BPNT2: variants seen among roughly 807,000 people sequenced by gnomAD.
BPNT2 encodes the protein Golgi-resident adenosine 3',5'-bisphosphate 3'-phosphatase.
Under a neutral mutation model 29.3 loss-of-function variants are expected in BPNT2, and 11 were observed. The ratio of observed to expected loss-of-function variants is 0.38; its 90% CI spans 0.24 to 0.62. The LOEUF (loss-of-function observed/expected upper bound fraction) is 0.62, where lower values mean the gene tolerates loss of function less well. Ranked by LOEUF, BPNT2 falls within the 20% of genes least tolerant of loss-of-function variation. The pLI is 0.62. For missense variants in BPNT2, 459 were observed against 473.4 expected, an observed-to-expected ratio of 0.97 and a Z score of 0.28; for synonymous variants, 195 against 187.7, an observed-to-expected ratio of 1.04 and a Z score of -0.32.
chr8:56,991,218 A>C (rs183257904), intron 1 of BPNT2, among the ~76,000 whole-genome samples: 22 of 152,362 alleles, frequency 1.4e-4, no homozygotes, highest in Admixed American at 4.6e-4. Context: ...AAATGATCAC[A>C]AACCTCTTCT....
At position 56,993,565 on chromosome 8, in the gene BPNT2, G is replaced by A. The variant is rs1806456546; in HGVS notation, c.21C>T (p.Arg7=). 6.8e-7 allele frequency: 1 copy of A among 1,474,308 alleles called. No homozygotes were observed. Among genetic ancestry groups the A allele is most frequent in the Non-Finnish European group, 9.0e-7 (1 of 1,111,480 alleles). The allele number at this position is 1,474,308 out of a possible 1,614,324, so 91.3% of individuals were successfully genotyped here. MAPMGI[R]LSPLGVAVFC... Reference sequence around the variant, plus strand: ...ACACTGCCACCCCCAGTGGGGAAAGGCGGATGCCCATGGGGGCCATGGCGT... The same window carrying A: ...ACACTGCCACCCCCAGTGGGGAAAGACGGATGCCCATGGGGGCCATGGCGT... Residue 7 remains arginine, a synonymous_variant, in exon 1 of 5, where the codon CGC becomes CGT. Coordinates refer to ENST00000262644, the MANE Select transcript of BPNT2 (RefSeq NM_017813.5).
chr8:56,973,970 C>T (rs534461578), intron 3 of BPNT2, among the ~76,000 whole-genome samples: 4 of 152,190 alleles, frequency 2.6e-5, no homozygotes, highest in East Asian at 3.9e-4. Context: ...CTCCTCCACC[C>T]GAGACAACAA....
At chr8:56,987,941 A>T (rs1806352120) in intron 1 of BPNT2, among the ~76,000 whole-genome samples, 2 of 151,596 alleles carry the variant, frequency 1.3e-5, no homozygotes, top group Non-Finnish European at 2.9e-5. Context: ...TGTTAGCCAG[A>T]ATGGTCTCAA....
At position 56,993,862 on chromosome 8, in the gene BPNT2, C is replaced by T. The variant is rs1172849137; in HGVS notation, c.-277G>A. The T allele has an allele frequency of 1.0e-5, 2 of 198,076 alleles. No individual in the cohort carries two copies. The highest frequency in any genetic ancestry group is 1.8e-5 in the Non-Finnish European group (2 of 109,890). 12.3% of individuals were successfully genotyped at this position (198,076 alleles called of 1,614,324 possible). On this transcript the variant is annotated 5_prime_UTR_variant, in exon 1 of 5. Coordinates refer to ENST00000262644, the MANE Select transcript of BPNT2 (RefSeq NM_017813.5). ...CGACTTCCACGTTAGCCTACGGCCGCGAGGTGAAAGGGGAGCGTGGGTGTG... is the reference window on the plus strand; with the variant it reads ...CGACTTCCACGTTAGCCTACGGCCGTGAGGTGAAAGGGGAGCGTGGGTGTG...
At chr8:56,987,235 A>G (rs984406637) in intron 1 of BPNT2, among the ~76,000 whole-genome samples, 4 of 152,198 alleles carry the variant, frequency 2.6e-5, no homozygotes. Flanking sequence ...CACAGTGCCT[A>G]TCATACCATA....
Position 56,958,875 on chromosome 8 carries a change from T to C in BPNT2, c.*4918A>G, listed in dbSNP as rs1259711740. On this transcript the variant is annotated 3_prime_UTR_variant, in exon 5 of 5. Transcript: ENST00000262644. ...TAAAAAGTCCATAAACGTGCCCTCC[T>C]AACACGAGAATAAGAAAGGTGGCTG... is the stretch of plus-strand genomic sequence containing the variant. 6.6e-6 allele frequency: 1 copy of C among 152,188 alleles called. No individual in the cohort carries two copies. The highest frequency in any genetic ancestry group is 2.4e-5 in the African/African-American group (1 of 41,452). The allele number at this position is 152,188 out of a possible 1,614,324, so 9.4% of individuals were successfully genotyped here. A position where few individuals can be genotyped will look rare whatever the true frequency, so the allele number is the denominator to read the frequency against.
rs1025377927 is a variant in BPNT2 at position 56,963,496 on chromosome 8, A to C, written c.*297T>G. The C allele has an allele frequency of 3.0e-6, 1 of 332,466 alleles. No individual in the cohort carries two copies. The allele number at this position is 332,466 out of a possible 1,614,324, so 20.6% of individuals were successfully genotyped here. A position where few individuals can be genotyped will look rare whatever the true frequency, so the allele number is the denominator to read the frequency against. ...TGATGTTGTGTGAAAATGGTGACTCATAACAATGTAGACTCAGCTACAGAT... is the reference window on the plus strand; with the variant it reads ...TGATGTTGTGTGAAAATGGTGACTCCTAACAATGTAGACTCAGCTACAGAT... On this transcript the variant is annotated 3_prime_UTR_variant, in exon 5 of 5. Coordinates refer to ENST00000262644, the MANE Select transcript of BPNT2 (RefSeq NM_017813.5).
chr8:56,965,248 G>C (rs1413963548), intron 4 of BPNT2, among the ~76,000 whole-genome samples: 2 of 152,194 alleles, frequency 1.3e-5, no homozygotes, highest in African/African-American at 2.4e-5. Flanking sequence ...GAGCCCAGGA[G>C]GCGGAGGTTG....
At chr8:56,991,744 A>G (rs1489938901) in intron 1 of BPNT2, among the ~76,000 whole-genome samples, 2 of 152,196 alleles carry the variant, frequency 1.3e-5, no homozygotes, top group African/African-American at 4.8e-5. Flanking sequence ...AATGGTTATT[A>G]TTAGTACTGT....
At chr8:56,986,539 A>G (rs568032708) in intron 1 of BPNT2, among the ~76,000 whole-genome samples, 1 of 152,330 alleles carries the variant, frequency 6.6e-6, no homozygotes, top group African/African-American at 2.4e-5. Context: ...TCAACTTACA[A>G]TGGGGTTACG....
At chr8:56,966,058 A>G in intron 4 of BPNT2, 133 bp downstream of exon 4, 1 of 956,124 alleles carries the variant, frequency 1.0e-6, no homozygotes, top group East Asian at 2.6e-5. Flanking sequence ...CAAACAGGAG[A>G]CCAAGCCTGT....
In BPNT2 at chr8:56,978,147, T is replaced by C. The variant is rs1411579945; in HGVS notation, c.551-2A>G. 6.9e-6 allele frequency: 11 copies of C among 1,589,294 alleles called. No homozygotes were observed. Among genetic ancestry groups the C allele is most frequent in the African/African-American group, 1.3e-5 (1 of 74,550 alleles). On this transcript the variant is annotated splice_acceptor_variant, in intron 2 of 4. Transcript: ENST00000262644. LOFTEE classifies it high-confidence loss of function. ...TAGTGACGTACTTTCGAAGATCCTC[T>C]ATGAGAAAAAAAACAAAACAACACA...
intron 3 of BPNT2, among the ~76,000 whole-genome samples, chr8:56,973,529 C>A (rs1479356634): frequency 6.6e-6 from 1 of 152,116 alleles, no homozygotes; most frequent in East Asian, 1.9e-4. Flanking sequence ...ACAACAGAGG[C>A]AATCAAGAAA....
chr8:56,973,386 C>G (rs937061598), intron 3 of BPNT2, among the ~76,000 whole-genome samples: 2 of 152,128 alleles, frequency 1.3e-5, no homozygotes, highest in Non-Finnish European at 2.9e-5. Flanking sequence ...CAGAGAAAAT[C>G]ATTCAAAGTC....
Position 56,964,018 on chromosome 8 carries a change from T to C in BPNT2, c.855A>G (p.Glu285=), listed in dbSNP as rs1158750264. 1 of 1,607,616 alleles carries C rather than the reference T, an allele frequency of 6.2e-7. No homozygotes were observed. The highest frequency in any genetic ancestry group is 8.5e-7 in the Non-Finnish European group (1 of 1,175,992). ...ALLDVPDKSQ[E]KADLYIHVTY... ...TCACATGGATGTATAAATCAGCTTT[T>C]TCTTGACTCTTATCAGGCACATCCA... The change falls in exon 5 of 5, where the codon GAA becomes GAG. Residue 285 remains glutamate, a synonymous_variant. Coordinates refer to ENST00000262644, the MANE Select transcript of BPNT2 (RefSeq NM_017813.5).
chr8:56,966,383 C>A, intron 3 of BPNT2, 31 bp from the exon 4 acceptor site: 1 of 1,595,084 alleles, frequency 6.3e-7, no homozygotes, highest in Non-Finnish European at 8.6e-7. Flanking sequence ...CCATTAATGG[C>A]ACTGAAGCTT....
chr8:56,978,228 A>G (rs1806178622), intron 2 of BPNT2, 83 bp from the exon 3 acceptor site: 2 of 911,044 alleles, frequency 2.2e-6, no homozygotes, highest in Non-Finnish European at 1.8e-6. Flanking sequence ...ACTTTAGTTC[A>G]TTAAAAAATT....
Position 56,961,324 on chromosome 8 carries a change from T to C in BPNT2, c.*2469A>G, listed in dbSNP as rs534286668. 2 of 152,312 alleles carry C rather than the reference T, an allele frequency of 1.3e-5. No homozygotes were observed. Among genetic ancestry groups the C allele is most frequent in the South Asian group, 2.1e-4 (1 of 4,824 alleles). 9.4% of individuals were successfully genotyped at this position (152,312 alleles called of 1,614,324 possible). ...ATGAAGGTGTTTTACTAGGATGCTA[T>C]GGCACAATGTCTTGTGTAAATAAAT... On this transcript the variant is annotated 3_prime_UTR_variant, in exon 5 of 5. Transcript: ENST00000262644.
In BPNT2 at chr8:56,963,737, G is replaced by C. The variant is rs1805885594; in HGVS notation, c.*56C>G. On this transcript the variant is annotated 3_prime_UTR_variant, in exon 5 of 5. Coordinates refer to ENST00000262644, the MANE Select transcript of BPNT2 (RefSeq NM_017813.5). ...CTCCACCAATCCTTTGAAGCTTCCAGCATCTCAGGCTAACCATTTCAGCTG... is the reference window on the plus strand; with the variant it reads ...CTCCACCAATCCTTTGAAGCTTCCACCATCTCAGGCTAACCATTTCAGCTG... 5.6e-6 allele frequency: 9 copies of C among 1,593,500 alleles called. No homozygotes were observed. Among genetic ancestry groups the C allele is most frequent in the Non-Finnish European group, 7.7e-6 (9 of 1,162,410 alleles).
Sources: gnomAD v4.1 joint callset for allele counts (sites outside exome capture counted in the v4.1 genomes callset) on GRCh38, gnomAD v4.1.1 for gene constraint, MANE v1.5 for transcripts, NCBI Gene and HGNC (gene_info 2026-07-23, HGNC 2026-07-21) for gene names.